Variants in RAPGEF6 observed in about 807,000 individuals in gnomAD.
RAPGEF6 encodes PDZ domain containing guanine nucleotide exchange factor (GEF) 2.
A neutral mutation model predicts 171.4 loss-of-function variants in RAPGEF6; 56 were observed. The ratio of observed to expected loss-of-function variants is 0.33; its 90% CI spans 0.26 to 0.41. The LOEUF (loss-of-function observed/expected upper bound fraction) is 0.41. Among genes scored for constraint, RAPGEF6 ranks in the 10% least tolerant of loss-of-function variants. The pLI, the probability that RAPGEF6 is intolerant of heterozygous loss-of-function variation, is 1.00. For synonymous variants in RAPGEF6, 692 were observed against 650.1 expected, an observed-to-expected ratio of 1.06 and a Z score of -0.98; for missense variants, 1,674 against 1,921.4, an observed-to-expected ratio of 0.87 and a Z score of 2.41.
At chr5:131,497,600 T>TC (rs1484897348) in intron 12 of RAPGEF6, among the ~76,000 whole-genome samples, 1 of 152,216 alleles carries the variant, frequency 6.6e-6, no homozygotes, top group East Asian at 1.9e-4. Flanking sequence ...ATATTCTTGT[T>TC]CATTTCCAAA....
In RAPGEF6 at chr5:131,498,569, T is replaced by A. The variant is rs148847611; in HGVS notation, c.1293A>T (p.Glu431Asp). 4.0e-5 allele frequency: 65 copies of A among 1,613,718 alleles called. No homozygotes were observed. Among genetic ancestry groups the A allele is most frequent in the Non-Finnish European group, 5.1e-5 (60 of 1,179,898 alleles). ...PERLIMHLIE[E>D]HSIVDPTYIE... is the part of the protein sequence containing the mutation. ...TATAAGTTGGATCCACGATGGAATG[T>A]TCTTCTATTAAATGCATTATGAGAC... Residue 431 changes from glutamate to aspartate, a missense_variant, in exon 12 of 28, where the codon GAA becomes GAT. Coordinates refer to ENST00000509018, the MANE Select transcript of RAPGEF6 (RefSeq NM_016340.6).
rs377353007 is a variant in RAPGEF6 at position 131,600,963 on chromosome 5, T to C, written c.197+2308A>G. On this transcript the variant is annotated intron_variant, in intron 3 of 27. Transcript: ENST00000509018. ...ACTCTTTCTCAAAAGATGCCAATAA[T>C]AGAGCAAAAAGAGCTGGGTGTAGTG... 5.6e-4 allele frequency among the ~76,000 whole-genome samples: 85 copies of C among 150,490 alleles called. 1 individual carries two copies. Among genetic ancestry groups the C allele is most frequent in the African/African-American group, 1.9e-3 (78 of 40,916 alleles).
intron 4 of RAPGEF6, among the ~76,000 whole-genome samples, chr5:131,574,682 C>T (rs1561574623): frequency 6.6e-6 from 1 of 152,056 alleles, no homozygotes; most frequent in Non-Finnish European, 1.5e-5. Context: ...ACTACAGCCA[C>T]ACCTCATTGC....
intron 5 of RAPGEF6, among the ~76,000 whole-genome samples, chr5:131,554,027 C>T (rs561215138): frequency 6.3e-4 from 95 of 151,856 alleles, no homozygotes; most frequent in African/African-American, 2.2e-3. Context: ...TGAAAAACTA[C>T]GATACCAAAT....
chr5:131,549,092 A>G (rs1288298087), intron 5 of RAPGEF6, among the ~76,000 whole-genome samples: 1 of 152,094 alleles, frequency 6.6e-6, no homozygotes, highest in South Asian at 2.1e-4. Flanking sequence ...ATTTTTTTTA[A>G]GGTGAGGAGG....
intron 1 of RAPGEF6, among the ~76,000 whole-genome samples, chr5:131,633,036 C>T (rs559693013): frequency 2.8e-4 from 43 of 152,212 alleles, no homozygotes; most frequent in African/African-American, 9.9e-4. Context: ...TCCTAAGGCT[C>T]AAAAATAGGC....
chr5:131,494,187 T>C (rs1416445026), intron 13 of RAPGEF6, among the ~76,000 whole-genome samples: 3 of 152,204 alleles, frequency 2.0e-5, no homozygotes, highest in Admixed American at 2.0e-4. Flanking sequence ...AGGCATAAGA[T>C]CAGGCAATGT....
intron 21 of RAPGEF6, among the ~76,000 whole-genome samples, chr5:131,449,085 T>A (rs1484233838): frequency 2.0e-5 from 3 of 152,192 alleles, no homozygotes; most frequent in Admixed American, 1.3e-4. Flanking sequence ...AGCTTCTAAC[T>A]TCATGGTTCA....
intron 7 of RAPGEF6, among the ~76,000 whole-genome samples, chr5:131,512,069 G>C (rs922454418): frequency 2.0e-5 from 3 of 152,176 alleles, no homozygotes; most frequent in Non-Finnish European, 4.4e-5. Flanking sequence ...ATAGGAAAGG[G>C]AATGGGGAGG....
At chr5:131,510,536 A>G (rs768629201) in intron 7 of RAPGEF6, 45 bp from the exon 8 acceptor site, 3 of 1,568,832 alleles carry the variant, frequency 1.9e-6, no homozygotes, top group East Asian at 4.5e-5. Flanking sequence ...TGTAAAAAAT[A>G]TTATAAGTCA....
chr5:131,532,021 G>A (rs865973565), intron 6 of RAPGEF6: 18 of 342,654 alleles, frequency 5.3e-5, no homozygotes, highest in Middle Eastern at 4.3e-4. Context: ...AGAAAAGAGC[G>A]CAATAAAGCT....
intron 1 of RAPGEF6, among the ~76,000 whole-genome samples, chr5:131,611,448 G>T (rs1764929382): frequency 6.6e-6 from 1 of 152,168 alleles, no homozygotes; most frequent in South Asian, 2.1e-4. Context: ...AGTGAGTGGA[G>T]ATCAACTCAG....
At chr5:131,487,524 C>A (rs1028799625) in intron 15 of RAPGEF6, among the ~76,000 whole-genome samples, 1 of 152,106 alleles carries the variant, frequency 6.6e-6, no homozygotes, top group African/African-American at 2.4e-5. Context: ...CTGATTGGTG[C>A]GTTTTTACAG....
chr5:131,503,308 T>C (rs1757143842), intron 11 of RAPGEF6, among the ~76,000 whole-genome samples: 1 of 150,754 alleles, frequency 6.6e-6, no homozygotes, highest in Non-Finnish European at 1.5e-5. Flanking sequence ...GAGGAATCAG[T>C]GACAGATCTC....
In RAPGEF6 at chr5:131,603,345, T is replaced by A; in HGVS notation, c.141-18A>T. On this transcript the variant is annotated intron_variant, in intron 2 of 27. Transcript: ENST00000509018. The stretch of plus-strand genomic sequence containing the variant: ...ACATTAATCTATTAAAAAAAAAAAT[T>A]GAAGATTTTATCTTACATTTTGTTT... 1 of 1,464,936 alleles carries A rather than the reference T, an allele frequency of 6.8e-7. No homozygotes were observed. The highest frequency in any genetic ancestry group is 9.3e-7 in the Non-Finnish European group (1 of 1,079,546). The allele number at this position is 1,464,936 out of a possible 1,614,324, so 90.7% of individuals were successfully genotyped here. A position where few individuals can be genotyped will look rare whatever the true frequency, so the allele number is the denominator to read the frequency against.
intron 1 of RAPGEF6, among the ~76,000 whole-genome samples, chr5:131,608,541 A>C (rs182642166): frequency 1.3e-5 from 2 of 152,336 alleles, no homozygotes; most frequent in East Asian, 3.9e-4. Context: ...GTCATGCCAA[A>C]GGATAGCAGC....
At chr5:131,578,824 G>A (rs1057175919) in intron 4 of RAPGEF6, among the ~76,000 whole-genome samples, 26 of 152,112 alleles carry the variant, frequency 1.7e-4, no homozygotes, top group African/African-American at 6.0e-4. Context: ...TATTGTTTAA[G>A]AAGACACCTA....
At chr5:131,530,383 C>G (rs1261048758) in intron 6 of RAPGEF6, among the ~76,000 whole-genome samples, 1 of 151,952 alleles carries the variant, frequency 6.6e-6, no homozygotes, top group Non-Finnish European at 1.5e-5. Flanking sequence ...CTTCCCCAAC[C>G]CCCAGTAGAA....
intron 5 of RAPGEF6, among the ~76,000 whole-genome samples, chr5:131,558,367 CAT>C (rs1023733883): frequency 3.3e-5 from 5 of 151,974 alleles, no homozygotes; most frequent in African/African-American, 9.7e-5. Context: ...GATTGTATGA[CAT>C]GTTTTATTTT....
Sources: gnomAD v4.1 joint callset for allele counts (sites outside exome capture counted in the v4.1 genomes callset) on GRCh38, gnomAD v4.1.1 for gene constraint, MANE v1.5 for transcripts, NCBI Gene and HGNC (gene_info 2026-07-23, HGNC 2026-07-21) for gene names.